The following CRYL1 variants were observed in gnomAD, a reference collection of about 807,000 sequenced individuals.
The protein encoded by CRYL1 is lambda-crystallin homolog.
A neutral mutation model predicts 36.6 loss-of-function variants in CRYL1; 29 were observed. That is an observed-to-expected ratio of 0.79 (90% CI 0.59 to 1.08). The LOEUF is 1.08. Among genes scored for constraint, CRYL1 ranks in the 50% least tolerant of loss-of-function variants. The pLI is 0.00. For synonymous variants in CRYL1, 152 were observed against 151.5 expected (o/e 1.00, Z -0.02); for missense variants, 411 against 407.9 (o/e 1.01, Z -0.06).
intron 5 of CRYL1, among the ~76,000 whole-genome samples, chr13:20,420,853 A>G (rs1478408665): frequency 1.3e-5 from 2 of 151,558 alleles, no homozygotes; most frequent in East Asian, 3.9e-4. Flanking sequence ...CTCCTGCCTC[A>G]GCCTCCCAAA....
chr13:20,507,721 A>G (rs948450928), intron 2 of CRYL1, among the ~76,000 whole-genome samples: 16 of 152,130 alleles, frequency 1.1e-4, no homozygotes, highest in South Asian at 4.2e-4. Context: ...GATCGAGACC[A>G]TCCTGGCTAA....
chr13:20,420,523 G>A (rs74239605), intron 5 of CRYL1, among the ~76,000 whole-genome samples: 202 of 144,410 alleles, frequency 1.4e-3, no homozygotes, highest in Non-Finnish European at 1.6e-3. Flanking sequence ...GGATTTAAAA[G>A]AAAAAAAAAA....
At chr13:20,511,598 T>C (rs2033918830) in intron 2 of CRYL1, among the ~76,000 whole-genome samples, 1 of 152,212 alleles carries the variant, frequency 6.6e-6, no homozygotes, top group Non-Finnish European at 1.5e-5. Flanking sequence ...TAAGCATATT[T>C]TTGTTGCACA....
chr13:20,427,165 A>G, intron 5 of CRYL1: 1 of 985,474 alleles, frequency 1.0e-6, no homozygotes, highest in Non-Finnish European at 1.2e-6. Flanking sequence ...TAGACTTGAA[A>G]TGACATCCCA....
intron 3 of CRYL1, among the ~76,000 whole-genome samples, chr13:20,472,343 A>T (rs542792777): frequency 6.6e-6 from 1 of 152,306 alleles, no homozygotes; most frequent in South Asian, 2.1e-4. Flanking sequence ...CATGTTCAGC[A>T]CAGACACAAT....
At chr13:20,485,908 T>C (rs7337456) in intron 3 of CRYL1, among the ~76,000 whole-genome samples, 145,136 of 152,044 alleles carry the variant, frequency 0.95, 69,655 homozygotes, top group East Asian at 1. Context: ...TCAGGTCTCA[T>C]AATATTTTGT....
rs548518227 is a variant in CRYL1 at position 20,435,040 on chromosome 13, G to A, written c.439-2744C>T. ...ATCCACAGCAGCAGCAGAAAGCTAG[G>A]TTCAGGTGCCGCGGCTGGGGTGGAG... On this transcript the variant is annotated intron_variant, in intron 4 of 7. Coordinates refer to ENST00000298248, the MANE Select transcript of CRYL1 (RefSeq NM_015974.3). The surrounding 1 kb of genome is among the most constrained non-coding windows in gnomAD (Gnocchi z 4.0). Among the ~76,000 whole-genome samples, 65 of 152,200 alleles carry A rather than the reference G, an allele frequency of 4.3e-4. No homozygotes were observed. The highest frequency in any genetic ancestry group is 5.1e-4 in the Non-Finnish European group (35 of 68,014).
chr13:20,403,928 G>C lies in CRYL1; in HGVS notation c.*201C>G. 1 of 419,560 alleles carries C rather than the reference G, an allele frequency of 2.4e-6. No individual in the cohort carries two copies. Among genetic ancestry groups the C allele is most frequent in the East Asian group, 3.8e-5 (1 of 26,182 alleles). 26.0% of individuals were successfully genotyped at this position (419,560 alleles called of 1,614,324 possible). On this transcript the variant is annotated 3_prime_UTR_variant, in exon 8 of 8. Coordinates refer to ENST00000298248, the MANE Select transcript of CRYL1 (RefSeq NM_015974.3). ...CGACAGCCCCGAGAACGCAAGTGCT[G>C]CTGTGCCGCCAGGCCCAGGGCTATG...
At chr13:20,473,365 A>T (rs1421434505) in intron 3 of CRYL1, among the ~76,000 whole-genome samples, 5 of 152,230 alleles carry the variant, frequency 3.3e-5, no homozygotes, top group Admixed American at 2.6e-4. Flanking sequence ...CAGACTTTTA[A>T]ACATCAGTGA....
At chr13:20,511,134 G>T (rs936679873) in intron 2 of CRYL1, among the ~76,000 whole-genome samples, 4 of 152,098 alleles carry the variant, frequency 2.6e-5, no homozygotes, top group African/African-American at 7.2e-5. Context: ...GCCCAGGCTG[G>T]AGTACAGTGG....
intron 3 of CRYL1, among the ~76,000 whole-genome samples, chr13:20,477,403 A>G (rs117530813): frequency 0.027 from 4,032 of 151,322 alleles, 62 homozygotes; most frequent in Middle Eastern, 0.045. Flanking sequence ...GTGTTGGAGA[A>G]ATAGCAGTAG....
chr13:20,510,093 C>T (rs897229576), intron 2 of CRYL1, among the ~76,000 whole-genome samples: 1 of 152,202 alleles, frequency 6.6e-6, no homozygotes, highest in African/African-American at 2.4e-5. Flanking sequence ...TTTTGGAAGG[C>T]AGTTTTGCAA....
intron 4 of CRYL1, 60 bp downstream of exon 4, chr13:20,439,531 GAA>G (rs67447037): frequency 1.7e-4 from 84 of 495,320 alleles, no homozygotes; most frequent in African/African-American, 2.8e-4. Context: ...AAAAAAAAAA[GAA>G]AAAAAAAAAA....
chr13:20,525,410 G>A lies in CRYL1; in HGVS notation c.41+344C>T, dbSNP rs184621788. On this transcript the variant is annotated intron_variant, in intron 1 of 7. Coordinates refer to ENST00000298248, the MANE Select transcript of CRYL1 (RefSeq NM_015974.3). The surrounding 1 kb of genome is among the most constrained non-coding windows in gnomAD (Gnocchi z 4.3). ...ATTCGTTTCATTCAACACGGTGCCT[G>A]GCACTTCTATGTGGACCTGCGGGCA... is the stretch of plus-strand genomic sequence containing the variant. Among the ~76,000 whole-genome samples, 1 of 152,346 alleles carries A rather than the reference G, an allele frequency of 6.6e-6. No individual in the cohort carries two copies. Among genetic ancestry groups the A allele is most frequent in the East Asian group, 1.9e-4 (1 of 5,186 alleles).
At chr13:20,524,170 C>G (rs1449722603) in intron 1 of CRYL1, among the ~76,000 whole-genome samples, 1 of 152,212 alleles carries the variant, frequency 6.6e-6, no homozygotes, top group Non-Finnish European at 1.5e-5. Flanking sequence ...TGGAGATCCA[C>G]CATGATAGTG....
chr13:20,504,008 C>T (rs889003589), intron 2 of CRYL1, among the ~76,000 whole-genome samples: 1 of 152,136 alleles, frequency 6.6e-6, no homozygotes, highest in African/African-American at 2.4e-5. Context: ...TGACCATGTA[C>T]AGATGGTGGA....
chr13:20,503,070 A>C (rs895861042), intron 2 of CRYL1, among the ~76,000 whole-genome samples: 1 of 152,234 alleles, frequency 6.6e-6, no homozygotes, highest in Non-Finnish European at 1.5e-5. Flanking sequence ...CCCAGAGTCA[A>C]AGTATTAATA....
At chr13:20,508,615 G>A (rs1014623336) in intron 2 of CRYL1, among the ~76,000 whole-genome samples, 4 of 152,028 alleles carry the variant, frequency 2.6e-5, no homozygotes, top group African/African-American at 9.7e-5. Flanking sequence ...GGGAGGCCAA[G>A]ATGGGTGGAT....
chr13:20,417,231 A>G (rs1237862766), intron 5 of CRYL1, among the ~76,000 whole-genome samples: 1 of 152,208 alleles, frequency 6.6e-6, no homozygotes, highest in Non-Finnish European at 1.5e-5. Context: ...TAATTTTGCC[A>G]CTGAGCTTAA....
Sources: gnomAD v4.1 joint callset for allele counts (sites outside exome capture counted in the v4.1 genomes callset) on GRCh38, gnomAD v4.1.1 for gene constraint, Gnocchi (gnomAD v3.1) non-coding constraint, MANE v1.5 for transcripts, NCBI Gene and HGNC (gene_info 2026-07-23, HGNC 2026-07-21) for gene names.